MYH10: variants seen among roughly 807,000 people sequenced by gnomAD.
MYH10 encodes the protein myosin-10.
MYH10 carries 55 observed loss-of-function variants against 257.8 expected under a neutral mutation model. The ratio of observed to expected loss-of-function variants is 0.21; its 90% CI spans 0.17 to 0.27. The LOEUF is 0.27. Ranked by LOEUF, MYH10 falls within the 10% of genes least tolerant of loss-of-function variation. MYH10 has a pLI of 1.00. For synonymous variants in MYH10, 854 were observed against 921.7 expected (o/e 0.93, Z 1.33); for missense variants, 1,631 against 2,500.6 (o/e 0.65, Z 7.42).
At chr17:8,583,765 T>C (rs1027859859) in intron 4 of MYH10, among the ~76,000 whole-genome samples, 1 of 152,226 alleles carries the variant, frequency 6.6e-6, no homozygotes, top group Non-Finnish European at 1.5e-5. Flanking sequence ...TATTTGTATA[T>C]AATAGATAAG....
At position 8,600,011 on chromosome 17, in the gene MYH10, T is replaced by C. The variant is rs1461407211; in HGVS notation, c.502+4815A>G. On this transcript the variant is annotated intron_variant, in intron 3 of 42. Transcript: ENST00000360416. ...ATCTGGAGCCTGCAGAGGTTTGAAA[T>C]AGTCATTATGGAGAGTGGGAGGACC... Among the ~76,000 whole-genome samples, 5 of 152,102 alleles carry C rather than the reference T, an allele frequency of 3.3e-5. No homozygotes were observed. The South Asian group carries it at 6.2e-4, about 19-fold the overall frequency.
chr17:8,480,670 C>A (rs1913589639), intron 38 of MYH10, 145 bp from the exon 39 acceptor site: 2 of 1,057,226 alleles, frequency 1.9e-6, no homozygotes, highest in Non-Finnish European at 2.8e-6. Context: ...ATCCCCAAAT[C>A]CATCAGTAGG....
At chr17:8,606,815 T>G (rs1032004859) in intron 2 of MYH10, among the ~76,000 whole-genome samples, 8 of 152,216 alleles carry the variant, frequency 5.3e-5, no homozygotes, top group Non-Finnish European at 1.0e-4. Flanking sequence ...CAGGAGGTTA[T>G]CTGTTCGTTC....
At chr17:8,616,147 G>A (rs559527993) in intron 2 of MYH10, among the ~76,000 whole-genome samples, 2 of 152,124 alleles carry the variant, frequency 1.3e-5, no homozygotes, top group Non-Finnish European at 2.9e-5. Context: ...GCCAGGCATG[G>A]TGGTACATGC....
rs1555570829 is a variant in MYH10 at position 8,489,708 on chromosome 17, A to ACACACAC, written c.4884+631_4884+632insGTGTGTG. ...GACAGAGCGAGACTCCGTCTGAAAA[A>ACACACAC]ACACACACACACACACACACACACA... On this transcript the variant is annotated intron_variant, in intron 35 of 42. Transcript: ENST00000360416. Among the ~76,000 whole-genome samples the ACACACAC allele has an allele frequency of 7.5e-3, 703 of 93,120 alleles. 32 individuals are homozygous for ACACACAC. Among genetic ancestry groups the ACACACAC allele is most frequent in the African/African-American group, 0.017 (467 of 27,032 alleles). 61.1% of individuals were successfully genotyped at this position (93,120 alleles called of 152,430 possible).
intron 2 of MYH10, among the ~76,000 whole-genome samples, chr17:8,607,468 A>G (rs2084854472): frequency 6.6e-6 from 1 of 152,226 alleles, no homozygotes; most frequent in Non-Finnish European, 1.5e-5. Context: ...AAGGTTAACT[A>G]ATCATCAGTA....
chr17:8,613,992 G>C (rs1418890496), intron 2 of MYH10, among the ~76,000 whole-genome samples: 1 of 151,928 alleles, frequency 6.6e-6, no homozygotes, highest in Non-Finnish European at 1.5e-5. Context: ...TCCATGATTT[G>C]CCAGAAAGAC....
intron 13 of MYH10, among the ~76,000 whole-genome samples, chr17:8,543,864 G>T (rs923939781): frequency 6.6e-6 from 1 of 152,094 alleles, no homozygotes; most frequent in African/African-American, 2.4e-5. Flanking sequence ...AATAATGCAT[G>T]GTAGAAAATT....
At position 8,475,667 on chromosome 17, in the gene MYH10, A is replaced by T; in HGVS notation, c.*137T>A. 1.0e-6 allele frequency: 1 copy of T among 1,003,952 alleles called. No individual in the cohort carries two copies. Among genetic ancestry groups the T allele is most frequent in the Non-Finnish European group, 1.5e-6 (1 of 674,184 alleles). The allele number at this position is 1,003,952 out of a possible 1,614,324, so 62.2% of individuals were successfully genotyped here. On this transcript the variant is annotated 3_prime_UTR_variant, in exon 43 of 43. Transcript: ENST00000360416. ...AAGTCTGAAGCAGGATACAGTATGC[A>T]TAGGCTGGAGAGCCTTAAGACACAG...
intron 26 of MYH10, among the ~76,000 whole-genome samples, chr17:8,508,104 G>C (rs1170215286): frequency 6.6e-6 from 1 of 152,186 alleles, no homozygotes; most frequent in African/African-American, 2.4e-5. Context: ...TAGTGCGGTT[G>C]CATGATCATA....
At position 8,548,672 on chromosome 17, in the gene MYH10, T is replaced by C. The variant is rs1461793207; in HGVS notation, c.1035A>G (p.Ile345Met). 1 of 1,614,136 alleles carries C rather than the reference T, an allele frequency of 6.2e-7. No homozygotes were observed. ...NFQETMEAMHIMGFSHEEILS... is the reference protein window; with the variant it reads ...NFQETMEAMHMMGFSHEEILS... The stretch of plus-strand genomic sequence containing the variant: ...GAATCTCTTCATGGGAGAAGCCCAT[T>C]ATGTGCATTGCTTCCATGGTCTCCT... The change falls in exon 10 of 43, where the codon ATA becomes ATG. Residue 345 changes from isoleucine (I) to methionine (M), a missense_variant. By Grantham distance (10) the Ile-to-Met change is conservative (BLOSUM62 1). Around this residue, in one of 11 missense-constraint regions of MYH10, gnomAD observed 360 missense variants for 581.9 expected, o/e 0.62. Coordinates refer to ENST00000360416, the MANE Select transcript of MYH10 (RefSeq NM_001256012.3).
chr17:8,538,998 GGTTA>G (rs2082221245), intron 14 of MYH10, among the ~76,000 whole-genome samples: 1 of 152,036 alleles, frequency 6.6e-6, no homozygotes, highest in African/African-American at 2.4e-5. Context: ...TGAGGAGGTG[GGTTA>G]GTTATCATGA....
At position 8,521,291 on chromosome 17, in the gene MYH10, G is replaced by T. The variant is rs1423679435; in HGVS notation, c.1958-6C>A. The T allele has an allele frequency of 1.2e-6, 2 of 1,613,080 alleles. No individual in the cohort carries two copies. Among genetic ancestry groups the T allele is most frequent in the Admixed American group, 1.7e-5 (1 of 59,984 alleles). On this transcript the variant is annotated splice_polypyrimidine_tract_variant and splice_region_variant and intron_variant, in intron 17 of 42. Coordinates refer to ENST00000360416, the MANE Select transcript of MYH10 (RefSeq NM_001256012.3). ...CAGACCCACGATACGGTCCACTGGG[G>T]AGAAGAAAGGAGAAAACAAATATAA...
chr17:8,577,681 AC>A (rs1323810069), intron 4 of MYH10, among the ~76,000 whole-genome samples: 3 of 152,130 alleles, frequency 2.0e-5, no homozygotes, highest in African/African-American at 7.2e-5. Flanking sequence ...ACATGCACAC[AC>A]CACCATGCCC....
intron 3 of MYH10, among the ~76,000 whole-genome samples, chr17:8,594,851 T>TTA (rs1400521492): frequency 5.3e-5 from 8 of 152,214 alleles, no homozygotes; most frequent in African/African-American, 1.9e-4. Flanking sequence ...AGTGTATTGT[T>TTA]TAGGGAATAA....
intron 4 of MYH10, among the ~76,000 whole-genome samples, chr17:8,577,762 C>A (rs952236552): frequency 6.6e-6 from 1 of 152,126 alleles, no homozygotes; most frequent in African/African-American, 2.4e-5. Flanking sequence ...GAACTCCTGG[C>A]CTCAAGTGAT....
At position 8,475,960 on chromosome 17, in the gene MYH10, AG is replaced by A; in HGVS notation, c.5880-13del. 6.2e-7 allele frequency: 1 copy of A among 1,610,954 alleles called. No homozygotes were observed. The highest frequency in any genetic ancestry group is 8.5e-7 in the Non-Finnish European group (1 of 1,179,344). On this transcript the variant is annotated splice_polypyrimidine_tract_variant and intron_variant, in intron 42 of 42. Coordinates refer to ENST00000360416, the MANE Select transcript of MYH10 (RefSeq NM_001256012.3). ...TGGGGCCACCCCGCCTGGAGAACAC[AG>A]GAAGCAGATGTGTGTGGGTAAACAG...
chr17:8,477,052 G>A lies in MYH10; in HGVS notation c.5707-4C>T. On this transcript the variant is annotated splice_region_variant and splice_polypyrimidine_tract_variant and intron_variant, in intron 41 of 42. Coordinates refer to ENST00000360416, the MANE Select transcript of MYH10 (RefSeq NM_001256012.3). This position sits in a 1 kb window ranked among gnomAD's most constrained non-coding sequence, Gnocchi z 4.2. ...TCCGAGCGTTGGCCTTCTCCATCTT[G>A]GGGAGGGTACATGAACCAAAACAAA... 1 of 1,613,858 alleles carries A rather than the reference G, an allele frequency of 6.2e-7. No homozygotes were observed. The highest frequency in any genetic ancestry group is 8.5e-7 in the Non-Finnish European group (1 of 1,180,006).
intron 1 of MYH10, among the ~76,000 whole-genome samples, chr17:8,626,692 A>G (rs1386613568): frequency 1.3e-5 from 2 of 151,722 alleles, no homozygotes; most frequent in African/African-American, 2.4e-5. Context: ...TTGAGAACAA[A>G]TAATAGGATA....
Sources: allele counts gnomAD v4.1 joint callset (sites outside exome capture counted in the v4.1 genomes callset), GRCh38; gene constraint gnomAD v4.1.1; regional missense constraint gnomAD v4.1.1; non-coding constraint Gnocchi (gnomAD v3.1); transcripts MANE v1.5; gene names NCBI Gene and HGNC (gene_info 2026-07-23, HGNC 2026-07-21).